RUFY1: variants seen among roughly 807,000 people sequenced by gnomAD.
The protein encoded by RUFY1 is RUN and FYVE domain containing 1.
Under a neutral mutation model 94.6 loss-of-function variants are expected in RUFY1, and 54 were observed. The observed-to-expected ratio is 0.57, with a 90% confidence interval of 0.46 to 0.72. RUFY1 has a LOEUF of 0.72. RUFY1 is among the 30% of genes least tolerant of loss of function. The pLI is 0.00. For synonymous variants in RUFY1, 396 were observed against 347.3 expected, an observed-to-expected ratio of 1.14 and a Z score of -1.56; for missense variants, 883 against 883.9, an observed-to-expected ratio of 1.00 and a Z score of 0.01.
chr5:179,584,777 CAAAA>C (rs375808253), intron 7 of RUFY1, among the ~76,000 whole-genome samples: 33 of 137,046 alleles, frequency 2.4e-4, no homozygotes, highest in African/African-American at 7.8e-4. Context: ...CAAAAAAAAA[CAAAA>C]AAAAGTAGTA....
At position 179,560,032 on chromosome 5, in the gene RUFY1, G is replaced by A. The variant is rs776048340; in HGVS notation, c.318G>A (p.Lys106=). 3.7e-5 allele frequency: 60 copies of A among 1,613,314 alleles called. 2 individuals carry two copies. The South Asian group carries it at 5.2e-4, about 14-fold the overall frequency. The change falls in exon 2 of 18, where the codon AAG becomes AAA. Residue 106 remains lysine, a synonymous_variant. Coordinates refer to ENST00000319449, the MANE Select transcript of RUFY1 (RefSeq NM_025158.5). ...SGDGTARAAS[K]CQMMEERANL... is the part of the protein sequence containing the mutation. ...CCTGCTCCTGCCCCACAGCTTCTAA[G>A]TGCCAGATGATGGAGGAGCGTGCCA...
intron 5 of RUFY1, among the ~76,000 whole-genome samples, chr5:179,575,244 G>T (rs1763529840): frequency 6.6e-6 from 1 of 152,042 alleles, no homozygotes; most frequent in African/African-American, 2.4e-5. Flanking sequence ...TTCACAGCTG[G>T]GGGCTAACTG....
chr5:179,582,456 G>A (rs1048718447), intron 7 of RUFY1, among the ~76,000 whole-genome samples: 1 of 152,090 alleles, frequency 6.6e-6, no homozygotes, highest in African/African-American at 2.4e-5. Flanking sequence ...CAAACTCTTG[G>A]CCTCAAGCAA....
chr5:179,582,650 C>T (rs1199143763), intron 7 of RUFY1, among the ~76,000 whole-genome samples: 3 of 151,878 alleles, frequency 2.0e-5, no homozygotes, highest in Admixed American at 6.6e-5. Context: ...GTTGGGAGTT[C>T]GAGACCAACA....
intron 9 of RUFY1, 86 bp downstream of exon 9, chr5:179,589,733 C>A: frequency 9.6e-7 from 1 of 1,046,392 alleles, no homozygotes; most frequent in Non-Finnish European, 1.5e-6. Flanking sequence ...TAACAACAAC[C>A]CAGTCTTCAG....
At chr5:179,598,863 T>C (rs1765978806) in intron 14 of RUFY1, 42 bp downstream of exon 14, 1 of 1,611,494 alleles carries the variant, frequency 6.2e-7, no homozygotes, top group Middle Eastern at 1.7e-4. Context: ...TCTGGCAGCC[T>C]CCAGAAACCC....
At chr5:179,563,285 GATA>G (rs1036730041) in intron 3 of RUFY1, among the ~76,000 whole-genome samples, 3 of 152,058 alleles carry the variant, frequency 2.0e-5, no homozygotes, top group Non-Finnish European at 2.9e-5. Context: ...TCCATTTTCA[GATA>G]ATAATAATAA....
chr5:179,597,493 C>A (rs769581564), intron 13 of RUFY1, among the ~76,000 whole-genome samples: 11 of 152,102 alleles, frequency 7.2e-5, no homozygotes, highest in Non-Finnish European at 1.5e-4. Flanking sequence ...ATCTCGGCCT[C>A]CCAAAGTGCT....
intron 7 of RUFY1, among the ~76,000 whole-genome samples, chr5:179,585,263 A>C (rs1255394025): frequency 6.6e-6 from 1 of 152,032 alleles, no homozygotes; most frequent in African/African-American, 2.4e-5. Flanking sequence ...GGAGAAAAAA[A>C]TTCTCTTTCC....
At chr5:179,607,451 ATCT>A in intron 16 of RUFY1, 128 bp from the exon 17 acceptor site, 2 of 754,704 alleles carry the variant, frequency 2.7e-6, no homozygotes, top group Non-Finnish European at 4.7e-6. Flanking sequence ...GTGAGGCCCC[ATCT>A]GATGGAGAAA....
In RUFY1 at chr5:179,598,378, C is replaced by T. The variant is rs7704400; in HGVS notation, c.1632-314C>T. 8.2e-3 allele frequency: 2,443 copies of T among 299,630 alleles called. 69 individuals carry two copies. Among genetic ancestry groups the T allele is most frequent in the African/African-American group, 0.047 (2,147 of 45,494 alleles). 18.6% of individuals were successfully genotyped at this position (299,630 alleles called of 1,614,324 possible). On this transcript the variant is annotated intron_variant, in intron 13 of 17. Coordinates refer to ENST00000319449, the MANE Select transcript of RUFY1 (RefSeq NM_025158.5). ...ACCCTGTCTCAAAAAAAGAAAAGAA[C>T]GAATTTTGAGCTTCCTTTCCTCAGG...
chr5:179,594,704 T>G (rs1581528656), intron 11 of RUFY1, among the ~76,000 whole-genome samples, 162 bp from the exon 12 acceptor site: 1 of 130,786 alleles, frequency 7.6e-6, no homozygotes, highest in Non-Finnish European at 1.6e-5. Flanking sequence ...GAGCTGGCAG[T>G]GAGCCAAGAT....
At position 179,560,202 on chromosome 5, in the gene RUFY1, A is replaced by G; in HGVS notation, c.484+4A>G. ...TGCCTCAAACATGGGCTGAAAGGTG[A>G]GCCTGAGGGGGCGTTTGGGAGCGTG... On this transcript the variant is annotated splice_donor_region_variant and intron_variant, in intron 2 of 17. Transcript: ENST00000319449. The G allele has an allele frequency of 6.2e-7, 1 of 1,610,224 alleles. No individual in the cohort carries two copies. The highest frequency in any genetic ancestry group is 8.5e-7 in the Non-Finnish European group (1 of 1,177,006).
intron 17 of RUFY1, chr5:179,608,436 T>G: frequency 1.0e-6 from 1 of 985,504 alleles, no homozygotes; most frequent in Non-Finnish European, 1.2e-6. Flanking sequence ...GCTGTCCCCA[T>G]CTGTGGAGTC....
chr5:179,591,462 G>A (rs1229939439), intron 9 of RUFY1, among the ~76,000 whole-genome samples, 163 bp from the exon 10 acceptor site: 2 of 152,202 alleles, frequency 1.3e-5, no homozygotes, highest in African/African-American at 4.8e-5. Context: ...GGGATTACAG[G>A]CGTGAGCCAA....
At chr5:179,588,184 C>T (rs1425259599) in intron 8 of RUFY1, among the ~76,000 whole-genome samples, 1 of 152,072 alleles carries the variant, frequency 6.6e-6, no homozygotes, top group Non-Finnish European at 1.5e-5. Context: ...GTGTAGAAAC[C>T]CCAGGCCTGG....
intron 7 of RUFY1, among the ~76,000 whole-genome samples, chr5:179,581,520 G>T (rs1381979976): frequency 6.9e-6 from 1 of 145,048 alleles, no homozygotes; most frequent in Non-Finnish European, 1.5e-5. Flanking sequence ...TGTGGGGAAT[G>T]TGGAGAGACA....
At chr5:179,605,770 A>T in intron 15 of RUFY1, 106 bp from the exon 16 acceptor site, 2 of 795,650 alleles carry the variant, frequency 2.5e-6, no homozygotes, top group Non-Finnish European at 2.2e-6. Context: ...GGGTCTCCTC[A>T]CAAGTCCGGT....
intron 11 of RUFY1, 30 bp from the exon 12 acceptor site, chr5:179,594,836 A>C: frequency 7.0e-7 from 1 of 1,430,920 alleles, no homozygotes; most frequent in African/African-American, 1.4e-5. Flanking sequence ...TGGGACAGGC[A>C]GAGTATGAAC....
Sources: allele counts gnomAD v4.1 joint callset (sites outside exome capture counted in the v4.1 genomes callset), GRCh38; gene constraint gnomAD v4.1.1; transcripts MANE v1.5; gene names NCBI Gene and HGNC (gene_info 2026-07-23, HGNC 2026-07-21).